BRD4: variants seen among roughly 807,000 people sequenced by gnomAD.
The protein encoded by BRD4 is bromodomain containing 4, also known as bromodomain-containing protein 4.
Under a neutral mutation model 142.1 loss-of-function variants are expected in BRD4, and 16 were observed. That is an observed-to-expected ratio of 0.11 (90% CI 0.08 to 0.17). The LOEUF is 0.17. BRD4 is among the 10% of genes least tolerant of loss of function. BRD4 has a pLI of 1.00. For synonymous variants in BRD4, 833 were observed against 707.5 expected (o/e 1.18, Z -2.82); for missense variants, 1,424 against 1,810.9 (o/e 0.79, Z 3.88).
intron 1 of BRD4, among the ~76,000 whole-genome samples, chr19:15,303,007 CAAA>C (rs1213995194): frequency 2.1e-4 from 12 of 57,930 alleles, no homozygotes; most frequent in Admixed American, 3.5e-4. Context: ...GACTCCGTCG[CAAA>C]AAAAAAAAAA....
chr19:15,317,033 C>G (rs561757303), intron 1 of BRD4, among the ~76,000 whole-genome samples: 25 of 152,206 alleles, frequency 1.6e-4, no homozygotes, highest in African/African-American at 1.2e-4. Flanking sequence ...TCCAAACCAT[C>G]TGAGTTCACT....
chr19:15,264,903 G>A (rs1442517210), intron 5 of BRD4, 137 bp from the exon 6 acceptor site: 6 of 1,368,612 alleles, frequency 4.4e-6, no homozygotes, highest in Admixed American at 2.3e-5. Context: ...AATTGCACAG[G>A]CAAAGGGCCA....
chr19:15,324,263 G>T (rs1223261005), intron 1 of BRD4, among the ~76,000 whole-genome samples: 3 of 152,190 alleles, frequency 2.0e-5, no homozygotes, highest in African/African-American at 7.2e-5. Flanking sequence ...ACGAAAAATA[G>T]AACAAATGTC....
chr19:15,243,499 C>G lies in BRD4; in HGVS notation c.2582-12G>C. The G allele has an allele frequency of 6.5e-7, 1 of 1,545,670 alleles. No homozygotes were observed. The highest frequency in any genetic ancestry group is 8.7e-7 in the Non-Finnish European group (1 of 1,149,656). On this transcript the variant is annotated splice_polypyrimidine_tract_variant and intron_variant, in intron 13 of 19. Coordinates refer to ENST00000679869, the MANE Select transcript of BRD4 (RefSeq NM_001379291.1). ...TGCGTTGTGCAAAGCTGGAAGAACACAACACCGAGGCGGTGAGGCCTGAGC... is the reference window on the plus strand; with the variant it reads ...TGCGTTGTGCAAAGCTGGAAGAACAGAACACCGAGGCGGTGAGGCCTGAGC...
At chr19:15,310,358 T>G (rs1483637298) in intron 1 of BRD4, among the ~76,000 whole-genome samples, 1 of 25,674 alleles carries the variant, frequency 3.9e-5, no homozygotes. Flanking sequence ...ATTTTTGGAT[T>G]CCCCCCCCCC....
intron 5 of BRD4, among the ~76,000 whole-genome samples, chr19:15,265,087 G>A (rs1276818383): frequency 6.6e-6 from 1 of 152,190 alleles, no homozygotes; most frequent in East Asian, 1.9e-4. Context: ...ACAATTCAGA[G>A]ACTATTTAGA....
chr19:15,301,824 T>A (rs1199362045), intron 1 of BRD4, among the ~76,000 whole-genome samples: 1 of 140,422 alleles, frequency 7.1e-6, no homozygotes, highest in African/African-American at 2.7e-5. Context: ...ACTGTGCCAC[T>A]GCACTCCAGC....
At chr19:15,310,687 G>T (rs1219172401) in intron 1 of BRD4, among the ~76,000 whole-genome samples, 1 of 151,400 alleles carries the variant, frequency 6.6e-6, no homozygotes, top group East Asian at 2.0e-4. Flanking sequence ...TAGAGACGGG[G>T]TTTCACCATA....
At chr19:15,240,457 C>T (rs1294579423) in intron 14 of BRD4, among the ~76,000 whole-genome samples, 1 of 152,196 alleles carries the variant, frequency 6.6e-6, no homozygotes, top group East Asian at 1.9e-4. Flanking sequence ...ACTAGCCTGG[C>T]CCACCTGGAT....
At chr19:15,251,914 A>T (rs1688108579) in intron 11 of BRD4, among the ~76,000 whole-genome samples, 1 of 152,178 alleles carries the variant, frequency 6.6e-6, no homozygotes, top group Admixed American at 6.5e-5. Flanking sequence ...CAGAGCCCAG[A>T]TAGCTGCATG....
At chr19:15,315,024 C>T (rs186175900) in intron 1 of BRD4, among the ~76,000 whole-genome samples, 9 of 151,862 alleles carry the variant, frequency 5.9e-5, no homozygotes, top group African/African-American at 1.7e-4. Context: ...ATATGCAGTG[C>T]GGTTTCAGGG....
intron 8 of BRD4, 46 bp from the exon 9 acceptor site, chr19:15,256,309 T>C (rs1475705851): frequency 2.5e-6 from 4 of 1,585,972 alleles, no homozygotes; most frequent in South Asian, 1.2e-5. Flanking sequence ...TGAAACCACC[T>C]TCCTGTCACC....
chr19:15,279,984 A>G (rs2047689831), intron 1 of BRD4, among the ~76,000 whole-genome samples: 1 of 152,222 alleles, frequency 6.6e-6, no homozygotes, highest in African/African-American at 2.4e-5. Context: ...CACACTTAGC[A>G]GAGCTTTATG....
chr19:15,242,452 C>T (rs1480016630), intron 14 of BRD4, among the ~76,000 whole-genome samples: 1 of 152,120 alleles, frequency 6.6e-6, no homozygotes, highest in Non-Finnish European at 1.5e-5. Flanking sequence ...CTCTGAGCTG[C>T]CTTTTGAGCT....
At chr19:15,329,041 G>C (rs138583918) in intron 1 of BRD4, among the ~76,000 whole-genome samples, 2,321 of 151,692 alleles carry the variant, frequency 0.015, 35 homozygotes, top group Non-Finnish European at 0.021. Flanking sequence ...TCAAAGTGCT[G>C]GGATCACAGG....
intron 11 of BRD4, chr19:15,253,509 C>T (rs1243261230): frequency 6.7e-7 from 1 of 1,501,792 alleles, no homozygotes; most frequent in South Asian, 1.2e-5. Context: ...TTAGTTAGAA[C>T]TGCAGGAGGG....
intron 1 of BRD4, among the ~76,000 whole-genome samples, chr19:15,325,694 T>C (rs1388294455): frequency 2.6e-5 from 4 of 152,012 alleles, no homozygotes; most frequent in African/African-American, 9.7e-5. Context: ...CACCTCCCAA[T>C]TCAAAGATGA....
intron 1 of BRD4, among the ~76,000 whole-genome samples, chr19:15,283,917 T>C (rs1057225791): frequency 2.0e-5 from 3 of 152,090 alleles, no homozygotes; most frequent in Non-Finnish European, 2.9e-5. Flanking sequence ...ATTTTAGCCA[T>C]GACTAGCAAG....
chr19:15,312,563 CG>C (rs1270396393), intron 1 of BRD4, among the ~76,000 whole-genome samples: 1 of 151,786 alleles, frequency 6.6e-6, no homozygotes, highest in Non-Finnish European at 1.5e-5. Flanking sequence ...ACGCGGGAGG[CG>C]GAAGTTGCAG....
Sources: allele counts gnomAD v4.1 joint callset (sites outside exome capture counted in the v4.1 genomes callset), GRCh38; gene constraint gnomAD v4.1.1; transcripts MANE v1.5; gene names NCBI Gene and HGNC (gene_info 2026-07-23, HGNC 2026-07-21).